Variants in TXNDC11 observed in about 807,000 individuals in gnomAD.
TXNDC11 encodes thioredoxin domain containing 11.
In TXNDC11, 68 loss-of-function variants were observed where a neutral mutation model predicts 78.0. The observed-to-expected ratio is 0.87, with a 90% CI of 0.72 to 1.07. The LOEUF is 1.07. Ranked by LOEUF, TXNDC11 falls within the 50% of genes least tolerant of loss-of-function variation. The pLI is 0.00. For synonymous variants in TXNDC11, 571 were observed against 495.2 expected, an observed-to-expected ratio of 1.15 and a Z score of -2.03; for missense variants, 1,389 against 1,221.8, an observed-to-expected ratio of 1.14 and a Z score of -2.04.
intron 9 of TXNDC11, 142 bp from the exon 10 acceptor site, chr16:11,688,108 T>C (rs1222480862): frequency 2.9e-5 from 26 of 900,326 alleles, no homozygotes; most frequent in Non-Finnish European, 4.1e-5. Flanking sequence ...TCTTTAGGTC[T>C]TTCCAATACT....
chr16:11,742,468 C>A lies in TXNDC11; in HGVS notation c.254+9G>T. On this transcript the variant is annotated intron_variant, in intron 1 of 11. Coordinates refer to ENST00000283033, the MANE Select transcript of TXNDC11 (RefSeq NM_015914.7). ...CCCTAGCGGGGCCCCAGGGTCCGGG[C>A]CGCCTCACCTGCAGGTGAACTTGAG... 7.0e-7 allele frequency: 1 copy of A among 1,419,376 alleles called. No individual in the cohort carries two copies. 87.9% of individuals were successfully genotyped at this position (1,419,376 alleles called of 1,614,324 possible).
intron 7 of TXNDC11, among the ~76,000 whole-genome samples, chr16:11,692,706 G>A (rs375498815): frequency 6.6e-6 from 1 of 152,172 alleles, no homozygotes; most frequent in African/African-American, 2.4e-5. Context: ...CAGGGTAGAT[G>A]AGAGTGCAGG....
rs190147498 is a variant in TXNDC11 at position 11,710,087 on chromosome 16, G to A, written c.794-9523C>T. Reference sequence around the variant, plus strand: ...GAACCCAGGAGGCAGAGACTGCAGCGAGCCAAGATCACACCACTGCACTCT... The same window carrying A: ...GAACCCAGGAGGCAGAGACTGCAGCAAGCCAAGATCACACCACTGCACTCT... On this transcript the variant is annotated intron_variant, in intron 5 of 11. Transcript: ENST00000283033. Among the ~76,000 whole-genome samples, 433 of 152,124 alleles carry A rather than the reference G, an allele frequency of 2.8e-3. 3 individuals are homozygous for A. The highest frequency in any genetic ancestry group is 9.9e-3 in the African/African-American group (410 of 41,494).
intron 5 of TXNDC11, among the ~76,000 whole-genome samples, chr16:11,715,613 G>A (rs1298181187): frequency 5.3e-5 from 8 of 152,160 alleles, no homozygotes; most frequent in African/African-American, 1.7e-4. Flanking sequence ...TTTCTCACGC[G>A]TCCTTTACCA....
Position 11,691,527 on chromosome 16 carries a change from T to C in TXNDC11, c.1663A>G (p.Asn555Asp). The change falls in exon 8 of 12, where the codon AAC becomes GAC. Residue 555 changes from asparagine (N) to aspartate (D), a missense_variant. Transcript: ENST00000283033. ...TCCACTTCTGGAAAGAGATACCTGT[T>C]CTCCTCAATGTGAGGAACGGAGCTT... ...APSSVPHIEE[N>D]RYLFPEVDMT... 1 of 1,614,064 alleles carries C rather than the reference T, an allele frequency of 6.2e-7. No homozygotes were observed. Among genetic ancestry groups the C allele is most frequent in the African/African-American group, 1.3e-5 (1 of 75,004 alleles).
In TXNDC11 at chr16:11,736,161, G is replaced by A. The variant is rs1427994939; in HGVS notation, c.327C>T (p.Asp109=). ...CATAATCCAGCTGCCCCTGGAAGAG[G>A]TCAAGGACTGGAGACCTCAAGGAGA... ...SFFSLRSPVL[D]LFQGQLDYAE... is the part of the protein sequence containing the mutation. Residue 109 remains aspartate (D), a synonymous_variant, in exon 2 of 12, where the codon GAC becomes GAT. Transcript: ENST00000283033. 6 of 1,614,072 alleles carry A rather than the reference G, an allele frequency of 3.7e-6. No individual in the cohort carries two copies. Among genetic ancestry groups the A allele is most frequent in the African/African-American group, 1.3e-5 (1 of 74,926 alleles).
Position 11,691,501 on chromosome 16 carries a change from G to A in TXNDC11, c.1689C>T (p.Asp563=), listed in dbSNP as rs1242384705. Residue 563 remains aspartate (D), a synonymous_variant, in exon 8 of 12, where the codon GAC becomes GAT. Transcript: ENST00000283033. ...GGCCTGTGAAGTTTGTGCTAGTCATGTCCACTTCTGGAAAGAGATACCTGT... is the reference window on the plus strand; with the variant it reads ...GGCCTGTGAAGTTTGTGCTAGTCATATCCACTTCTGGAAAGAGATACCTGT... ...EENRYLFPEV[D]MTSTNFTGLS... 3.1e-6 allele frequency: 5 copies of A among 1,614,174 alleles called. No homozygotes were observed. Among genetic ancestry groups the A allele is most frequent in the East Asian group, 4.5e-5 (2 of 44,884 alleles).
rs189576047 is a variant in TXNDC11, at chr16:11,682,982, A to C, written c.2234+1183T>G. 1.2e-4 allele frequency among the ~76,000 whole-genome samples: 19 copies of C among 152,276 alleles called. No homozygotes were observed. The East Asian group carries it at 3.7e-3, about 29-fold the overall frequency. On this transcript the variant is annotated intron_variant, in intron 11 of 11. Coordinates refer to ENST00000283033, the MANE Select transcript of TXNDC11 (RefSeq NM_015914.7). ...GGGAGGCAGGAAATTAAAACAGCAAACGTCATACATGCGAGCCAGGGAACT... is the reference window on the plus strand; with the variant it reads ...GGGAGGCAGGAAATTAAAACAGCAACCGTCATACATGCGAGCCAGGGAACT...
chr16:11,702,515 A>G (rs1305145009), intron 5 of TXNDC11, among the ~76,000 whole-genome samples: 2 of 152,194 alleles, frequency 1.3e-5, no homozygotes, highest in East Asian at 3.9e-4. Flanking sequence ...TAAAAATATA[A>G]AAATTATCCG....
intron 2 of TXNDC11, 34 bp from the exon 3 acceptor site, chr16:11,734,113 G>A (rs759709754): frequency 7.4e-7 from 1 of 1,349,420 alleles, no homozygotes; most frequent in Middle Eastern, 1.8e-4. Context: ...AAATGACTAT[G>A]AATAACAACT....
intron 7 of TXNDC11, among the ~76,000 whole-genome samples, chr16:11,697,135 C>A (rs772486569): frequency 3.3e-5 from 5 of 152,234 alleles, no homozygotes; most frequent in Non-Finnish European, 7.3e-5. Flanking sequence ...TATTTCATTT[C>A]TCTCCTCTTT....
chr16:11,700,069 C>G (rs75077413), intron 6 of TXNDC11, among the ~76,000 whole-genome samples: 1,795 of 152,306 alleles, frequency 0.012, 11 homozygotes, highest in Non-Finnish European at 0.019. Flanking sequence ...CACATTACTA[C>G]TCATCATAAA....
intron 5 of TXNDC11, among the ~76,000 whole-genome samples, chr16:11,703,152 G>T (rs936035509): frequency 1.3e-5 from 2 of 152,118 alleles, no homozygotes; most frequent in African/African-American, 4.8e-5. Flanking sequence ...AATACAGCAC[G>T]TACAAATAAC....
At chr16:11,733,135 T>G (rs1329326870) in intron 3 of TXNDC11, among the ~76,000 whole-genome samples, 1 of 152,076 alleles carries the variant, frequency 6.6e-6, no homozygotes, top group Non-Finnish European at 1.5e-5. Flanking sequence ...CAGGCACCTG[T>G]AATCCCAGCT....
chr16:11,704,178 G>A (rs757062591), intron 5 of TXNDC11, among the ~76,000 whole-genome samples: 18 of 152,178 alleles, frequency 1.2e-4, no homozygotes, highest in Non-Finnish European at 2.2e-4. Flanking sequence ...AGCCCTCCTA[G>A]TAGCCAAAGT....
chr16:11,723,316 GGCTCACGCCTGTAATCCCA>G (rs1291599828), intron 4 of TXNDC11, among the ~76,000 whole-genome samples: 15 of 151,448 alleles, frequency 9.9e-5, no homozygotes, highest in African/African-American at 1.9e-4. Flanking sequence ...CTGTTGCCCT[GGCTCACGCCTGTAATCCCA>G]GCACTTTGGG....
At chr16:11,731,091 A>C in intron 3 of TXNDC11, among the ~76,000 whole-genome samples, 1 of 152,346 alleles carries the variant, frequency 6.6e-6, no homozygotes, top group Non-Finnish European at 1.5e-5. Flanking sequence ...TAGTTCTTTT[A>C]AAAACAAAAC....
chr16:11,699,249 A>C (rs1370822944), intron 6 of TXNDC11, among the ~76,000 whole-genome samples: 1 of 152,238 alleles, frequency 6.6e-6, no homozygotes, highest in Non-Finnish European at 1.5e-5. Context: ...TCGAAGCAGA[A>C]ACCTGATATA....
Position 11,736,199 on chromosome 16 carries a change from G to A in TXNDC11, c.289C>T (p.Pro97Ser), listed in dbSNP as rs149715115. The change falls in exon 2 of 12, where the codon CCT becomes TCT. Residue 97 changes from proline to serine, a missense_variant. By Grantham distance (74) the Pro-to-Ser change is moderately conservative. Transcript: ENST00000283033. ...GACCTCAAGGAGAAAAAGCTGACAGGTGGCTTTGCTGGTATTATCACATCT... is the reference window on the plus strand; with the variant it reads ...GACCTCAAGGAGAAAAAGCTGACAGATGGCTTTGCTGGTATTATCACATCT... Reference protein sequence around the residue: ...AKDVIIPAKPPVSFFSLRSPV... With the variant: ...AKDVIIPAKPSVSFFSLRSPV... The A allele has an allele frequency of 2.9e-5, 47 of 1,613,412 alleles. No individual in the cohort carries two copies. The East Asian group carries it at 3.1e-4, about 11-fold the overall frequency.
Sources: gnomAD v4.1 joint callset for allele counts (sites outside exome capture counted in the v4.1 genomes callset) on GRCh38, gnomAD v4.1.1 for gene constraint, MANE v1.5 for transcripts, NCBI Gene and HGNC (gene_info 2026-07-23, HGNC 2026-07-21) for gene names.